Variants in NBEA observed in about 807,000 individuals in gnomAD.
The protein encoded by NBEA is neurobeachin.
NBEA carries 44 observed loss-of-function variants against 343.4 expected under a neutral mutation model. The ratio of observed to expected loss-of-function variants is 0.13; its 90% confidence interval spans 0.10 to 0.16. NBEA has a LOEUF of 0.16. NBEA is among the 10% of genes least tolerant of loss of function. The pLI, the probability that NBEA is intolerant of heterozygous loss-of-function variation, is 1.00. For missense variants in NBEA, 2,555 were observed against 3,631.3 expected (o/e 0.70, Z 7.62); for synonymous variants, 1,175 against 1,238.7 (o/e 0.95, Z 1.08).
rs1192657685 is a variant in NBEA at position 35,614,247 on chromosome 13, TA to T, written c.7449+7673del. On this transcript the variant is annotated intron_variant, in intron 48 of 58. Transcript: ENST00000379939. ...GTTCCTTGTATTATGGTTATCTTTC[TA>T]AAATTTATTACTACTTTGTTCCCTG... is the stretch of plus-strand genomic sequence containing the variant. Among the ~76,000 whole-genome samples the T allele has an allele frequency of 2.0e-5, 3 of 152,196 alleles. No individual in the cohort carries two copies. In the East Asian group the frequency reaches 5.8e-4, roughly 29 times the overall value.
chr13:34,953,810 C>G (rs1235461108), intron 1 of NBEA, among the ~76,000 whole-genome samples: 1 of 152,244 alleles, frequency 6.6e-6, no homozygotes, highest in African/African-American at 2.4e-5. Context: ...CTGGGCCGCA[C>G]AGCAGAAAGT....
intron 41 of NBEA, among the ~76,000 whole-genome samples, chr13:35,536,877 A>T (rs2078581130): frequency 6.6e-6 from 1 of 152,266 alleles, no homozygotes; most frequent in Non-Finnish European, 1.5e-5. Flanking sequence ...ATGAGAGAGC[A>T]TCTCTTCCAT....
Position 35,159,670 on chromosome 13 carries a change from A to C in NBEA, c.3499A>C (p.Ile1167Leu). ...KLLPELSSNH[I>L]IPNIQDTQVH... ...ACTTCCTGAACTTTCTAGCAATCAC[A>C]TTATTCCAAATATTCAGGACACACA... The change falls in exon 22 of 59, where the codon ATT becomes CTT. Residue 1167 changes from isoleucine (I) to leucine (L), a missense_variant. Around this residue, in one of 21 missense-constraint regions of NBEA, gnomAD observed 367 missense variants for 377.5 expected, o/e 0.97. Transcript: ENST00000379939. 6.2e-7 allele frequency: 1 copy of C among 1,611,970 alleles called. No individual in the cohort carries two copies. Among genetic ancestry groups the C allele is most frequent in the Non-Finnish European group, 8.5e-7 (1 of 1,179,034 alleles).
At chr13:35,475,355 G>GGTGAC in intron 41 of NBEA, 2 of 1,613,996 alleles carry the variant, frequency 1.2e-6, no homozygotes, top group South Asian at 2.2e-5. Context: ...GGCAGTTCAA[G>GGTGAC]GTGACGATCC....
At chr13:35,133,056 C>A (rs2067511762) in intron 17 of NBEA, among the ~76,000 whole-genome samples, 1 of 151,318 alleles carries the variant, frequency 6.6e-6, no homozygotes, top group Admixed American at 6.6e-5. Flanking sequence ...TTAAAAGATA[C>A]CATAAAAAGT....
chr13:35,151,187 T>C (rs1394594099), intron 18 of NBEA, among the ~76,000 whole-genome samples: 1 of 151,824 alleles, frequency 6.6e-6, no homozygotes, highest in East Asian at 1.9e-4. Flanking sequence ...ATAAAGACTA[T>C]GTTATAGTGA....
At chr13:35,249,407 T>TA (rs2031679336) in intron 34 of NBEA, among the ~76,000 whole-genome samples, 1 of 152,128 alleles carries the variant, frequency 6.6e-6, no homozygotes, top group Non-Finnish European at 1.5e-5. Context: ...TAAGAACTCT[T>TA]AGAGTTGAAC....
intron 17 of NBEA, among the ~76,000 whole-genome samples, chr13:35,141,278 T>G (rs1476673937): frequency 6.6e-6 from 1 of 152,136 alleles, no homozygotes; most frequent in Non-Finnish European, 1.5e-5. Context: ...GTTTTTTTGT[T>G]TTTTTCTTGA....
At chr13:35,212,348 A>G (rs1209479910) in intron 33 of NBEA, among the ~76,000 whole-genome samples, 3 of 152,014 alleles carry the variant, frequency 2.0e-5, no homozygotes, top group African/African-American at 7.2e-5. Flanking sequence ...GAGTTTATTC[A>G]TTTATTCTCC....
At chr13:35,227,829 G>A (rs1228464750) in intron 33 of NBEA, among the ~76,000 whole-genome samples, 2 of 151,986 alleles carry the variant, frequency 1.3e-5, no homozygotes, top group Non-Finnish European at 2.9e-5. Flanking sequence ...CACAATGTAT[G>A]TAGGGCCCTA....
chr13:35,256,123 A>G (rs1478253789), intron 34 of NBEA, among the ~76,000 whole-genome samples: 1 of 152,144 alleles, frequency 6.6e-6, no homozygotes, highest in East Asian at 1.9e-4. Flanking sequence ...GGTTGTCCCG[A>G]TAAGTGTCCC....
At chr13:35,421,716 A>C (rs956346537) in intron 38 of NBEA, among the ~76,000 whole-genome samples, 6 of 152,048 alleles carry the variant, frequency 3.9e-5, no homozygotes, top group African/African-American at 1.4e-4. Context: ...TGATGGCAAT[A>C]AATATTCTGT....
In NBEA at chr13:35,173,497, G is replaced by C; in HGVS notation, c.4457G>C (p.Cys1486Ser). 1 of 1,609,844 alleles carries C rather than the reference G, an allele frequency of 6.2e-7. No individual in the cohort carries two copies. The highest frequency in any genetic ancestry group is 8.5e-7 in the Non-Finnish European group (1 of 1,177,446). Residue 1486 changes from cysteine to serine, a missense_variant, in exon 27 of 59, where the codon TGT (cysteine) becomes TCT (serine). By Grantham distance (112) the Cys-to-Ser change is moderately radical. Transcript: ENST00000379939. ...GTTGCTGTGAGAAACTGTTTAGAAT[G>C]TCGGCAAAGACAGAGAGACAGGGGA... The part of the protein sequence containing the change: ...CCVAVRNCLE[C>S]RQRQRDRGNK...
At chr13:34,943,723 G>T (rs1194136090) in intron 1 of NBEA, among the ~76,000 whole-genome samples, 1 of 152,190 alleles carries the variant, frequency 6.6e-6, no homozygotes, top group Non-Finnish European at 1.5e-5. Context: ...TCCCTTCTTT[G>T]TAATATTGCC....
At chr13:35,645,985 A>C in intron 50 of NBEA, 54 bp downstream of exon 50, 1 of 1,148,046 alleles carries the variant, frequency 8.7e-7, no homozygotes, top group Non-Finnish European at 1.2e-6. Flanking sequence ...AGCTGCATGC[A>C]TGTATTCACA....
chr13:35,545,175 G>A (rs1273649672), intron 41 of NBEA, among the ~76,000 whole-genome samples: 1 of 152,172 alleles, frequency 6.6e-6, no homozygotes, highest in Admixed American at 6.5e-5. Flanking sequence ...TCAGGCCTGA[G>A]CTTGATGCCC....
chr13:35,128,065 T>G (rs1163666705), intron 17 of NBEA, among the ~76,000 whole-genome samples: 9 of 118,558 alleles, frequency 7.6e-5, no homozygotes, highest in Non-Finnish European at 1.4e-4. Context: ...TTTTATTATA[T>G]AAGTACAAAG....
chr13:35,353,521 T>C (rs960525992), intron 38 of NBEA, among the ~76,000 whole-genome samples: 23 of 152,026 alleles, frequency 1.5e-4, no homozygotes, highest in African/African-American at 4.1e-4. Context: ...GAGTGTAAGA[T>C]AGGTTTTTTA....
chr13:34,995,813 A>G (rs185785645), intron 1 of NBEA, among the ~76,000 whole-genome samples: 20 of 152,338 alleles, frequency 1.3e-4, no homozygotes, highest in African/African-American at 4.8e-4. Flanking sequence ...AGCCTAGTCC[A>G]AATCAATGGC....
Sources: gnomAD v4.1 joint callset for allele counts (sites outside exome capture counted in the v4.1 genomes callset) on GRCh38, gnomAD v4.1.1 for gene constraint, gnomAD v4.1.1 regional missense constraint, MANE v1.5 for transcripts, NCBI Gene and HGNC (gene_info 2026-07-23, HGNC 2026-07-21) for gene names.